FLRT2: variants seen among roughly 807,000 people sequenced by gnomAD.
The protein encoded by FLRT2 is fibronectin leucine rich transmembrane protein 2.
In FLRT2, 15 loss-of-function variants were observed where a neutral mutation model predicts 40.0. The observed-to-expected ratio is 0.38, with a 90% CI of 0.25 to 0.58. The LOEUF is 0.58. Among genes scored for constraint, FLRT2 ranks in the 20% least tolerant of loss-of-function variants. The probability of loss-of-function intolerance (pLI) is 0.71; values close to 1 mark genes in which losing one functional copy is unlikely to be tolerated. For synonymous variants in FLRT2, 380 were observed against 336.8 expected (o/e 1.13, Z -1.41); for missense variants, 726 against 840.0 (o/e 0.86, Z 1.68).
chr14:85,540,319 G>A (rs1051898687), intron 1 of FLRT2, among the ~76,000 whole-genome samples: 2 of 152,110 alleles, frequency 1.3e-5, no homozygotes, highest in South Asian at 2.1e-4. Context: ...GTATTCCAAA[G>A]CTTGGCTTTA....
chr14:85,617,426 A>G (rs1893184686), intron 1 of FLRT2, among the ~76,000 whole-genome samples: 1 of 152,108 alleles, frequency 6.6e-6, no homozygotes, highest in African/African-American at 2.4e-5. Flanking sequence ...CTAAGACTTG[A>G]AAAGAGAAAT....
intron 1 of FLRT2, among the ~76,000 whole-genome samples, chr14:85,532,709 G>C (rs1331160061): frequency 6.6e-6 from 1 of 152,164 alleles, no homozygotes; most frequent in Non-Finnish European, 1.5e-5. Context: ...ATTTAAGGTG[G>C]TCCAGGATGA....
chr14:85,650,154 T>A lies in FLRT2; in HGVS notation c.*26657T>A, dbSNP rs1894400127. ...CTTACTACGTTCATATGTATTGATG[T>A]ACAGTATAGCCTTATTTTACGTGTT... is the stretch of plus-strand genomic sequence containing the variant. On this transcript the variant is annotated 3_prime_UTR_variant, in exon 2 of 2. Transcript: ENST00000330753. 6.6e-6 allele frequency: 1 copy of A among 152,104 alleles called. No homozygotes were observed. The highest frequency in any genetic ancestry group is 1.5e-5 in the Non-Finnish European group (1 of 67,966). The allele number at this position is 152,104 out of a possible 1,614,324, so 9.4% of individuals were successfully genotyped here. A position where few individuals can be genotyped will look rare whatever the true frequency, so the allele number is the denominator to read the frequency against.
intron 1 of FLRT2, among the ~76,000 whole-genome samples, chr14:85,592,107 G>T (rs1267164869): frequency 6.6e-6 from 1 of 151,562 alleles, no homozygotes; most frequent in Non-Finnish European, 1.5e-5. Context: ...GCCTGCAGTG[G>T]GTCGTTAAAA....
intron 1 of FLRT2, chr14:85,562,884 T>C (rs1212631264): frequency 6.6e-6 from 1 of 152,038 alleles, no homozygotes; most frequent in African/African-American, 2.4e-5. Flanking sequence ...GGAAAATCAA[T>C]GGATTGTAAC....
chr14:85,545,895 G>T (rs567306217), intron 1 of FLRT2, among the ~76,000 whole-genome samples: 2 of 152,320 alleles, frequency 1.3e-5, no homozygotes, highest in African/African-American at 2.4e-5. Context: ...AATGACCAGA[G>T]GGAAGATAAT....
chr14:85,573,308 A>T (rs536050797), intron 1 of FLRT2, among the ~76,000 whole-genome samples: 78 of 151,936 alleles, frequency 5.1e-4, no homozygotes, highest in Non-Finnish European at 1.0e-3. Context: ...TCACACTCAC[A>T]CATCTCTCTC....
At chr14:85,554,169 A>G (rs960456620) in intron 1 of FLRT2, among the ~76,000 whole-genome samples, 12 of 152,214 alleles carry the variant, frequency 7.9e-5, no homozygotes, top group Admixed American at 2.0e-4. Flanking sequence ...AAGTTAAAAA[A>G]AAGGATTCAT....
chr14:85,581,777 G>C (rs190885129), intron 1 of FLRT2, among the ~76,000 whole-genome samples: 41 of 152,158 alleles, frequency 2.7e-4, no homozygotes, highest in Admixed American at 5.2e-4. Flanking sequence ...TATGAGATTG[G>C]TGCCCCAAAG....
At chr14:85,606,494 G>A (rs901997523) in intron 1 of FLRT2, among the ~76,000 whole-genome samples, 3 of 148,794 alleles carry the variant, frequency 2.0e-5, no homozygotes, top group Middle Eastern at 3.5e-3. Context: ...TGCATTACAC[G>A]TTACATGTTA....
intron 1 of FLRT2, among the ~76,000 whole-genome samples, chr14:85,543,302 T>G (rs535338630): frequency 5.9e-5 from 9 of 152,272 alleles, no homozygotes; most frequent in African/African-American, 2.2e-4. Flanking sequence ...TTTTTATAGT[T>G]GTCTGACTTG....
chr14:85,633,253 T>A lies in FLRT2; in HGVS notation c.*9756T>A. Reference sequence around the variant, plus strand: ...CTGTATTCTTTCTGGGGGAAAAAAATTGGGAAGATGAGGTGCCATGGGATA... The same window carrying A: ...CTGTATTCTTTCTGGGGGAAAAAAAATGGGAAGATGAGGTGCCATGGGATA... On this transcript the variant is annotated 3_prime_UTR_variant, in exon 2 of 2. Coordinates refer to ENST00000330753, the MANE Select transcript of FLRT2 (RefSeq NM_013231.6). 6.6e-6 allele frequency: 1 copy of A among 152,102 alleles called. No homozygotes were observed. Among genetic ancestry groups the A allele is most frequent in the South Asian group, 2.1e-4 (1 of 4,820 alleles). The allele number at this position is 152,102 out of a possible 1,614,324, so 9.4% of individuals were successfully genotyped here. A position where few individuals can be genotyped will look rare whatever the true frequency, so the allele number is the denominator to read the frequency against.
At chr14:85,531,760 G>A (rs1255841055) in intron 1 of FLRT2, among the ~76,000 whole-genome samples, 1 of 152,176 alleles carries the variant, frequency 6.6e-6, no homozygotes, top group Non-Finnish European at 1.5e-5. Context: ...CACATACTGT[G>A]GGGAGAAGAT....
intron 1 of FLRT2, among the ~76,000 whole-genome samples, chr14:85,608,775 C>T (rs999918389): frequency 2.6e-5 from 4 of 152,132 alleles, no homozygotes; most frequent in East Asian, 1.9e-4. Flanking sequence ...CAGGTCTGCT[C>T]GTCATGTGAA....
rs1053416424 is a variant in FLRT2, at chr14:85,645,041, T to C, written c.*21544T>C. 1.3e-5 allele frequency: 2 copies of C among 152,130 alleles called. No individual in the cohort carries two copies. Among genetic ancestry groups the C allele is most frequent in the African/African-American group, 4.8e-5 (2 of 41,424 alleles). 9.4% of individuals were successfully genotyped at this position (152,130 alleles called of 1,614,324 possible). A position where few individuals can be genotyped will look rare whatever the true frequency, so the allele number is the denominator to read the frequency against. On this transcript the variant is annotated 3_prime_UTR_variant, in exon 2 of 2. Coordinates refer to ENST00000330753, the MANE Select transcript of FLRT2 (RefSeq NM_013231.6). ...TGCCGAAAGAGGCTCAACTGTTGGC[T>C]ATTGGATCCCGAGTAGTAATGCAAC...
intron 1 of FLRT2, among the ~76,000 whole-genome samples, chr14:85,582,955 C>A (rs954297293): frequency 1.6e-4 from 24 of 151,874 alleles, no homozygotes; most frequent in African/African-American, 5.3e-4. Context: ...TTTGATTTCA[C>A]AGCTCTGGAG....
rs1303857055 is a variant in FLRT2, at chr14:85,624,557, C to T, written c.*1060C>T. 6.0e-6 allele frequency: 1 copy of T among 166,988 alleles called. No individual in the cohort carries two copies. The highest frequency in any genetic ancestry group is 1.5e-5 in the Non-Finnish European group (1 of 68,106). The allele number at this position is 166,988 out of a possible 1,614,324, so 10.3% of individuals were successfully genotyped here. ...AGACAAAAACAACTGATCAGTGGTT[C>T]TGTTATGTCAGCTGACTTTGTTAGT... On this transcript the variant is annotated 3_prime_UTR_variant, in exon 2 of 2. Transcript: ENST00000330753.
chr14:85,600,938 A>C (rs1476757899), intron 1 of FLRT2, among the ~76,000 whole-genome samples: 1 of 152,176 alleles, frequency 6.6e-6, no homozygotes, highest in Non-Finnish European at 1.5e-5. Context: ...TTGAATGACA[A>C]GTTTAGTCTT....
At position 85,653,878 on chromosome 14, in the gene FLRT2, C is replaced by A. The variant is rs1215052869; in HGVS notation, c.*30381C>A. ...CTAGAAATGAATGAAGAAAACATAG[C>A]AAAATTATACCTATTTTTTTAAATT... On this transcript the variant is annotated 3_prime_UTR_variant, in exon 2 of 2. Transcript: ENST00000330753. 6.6e-6 allele frequency: 1 copy of A among 152,082 alleles called. No homozygotes were observed. The highest frequency in any genetic ancestry group is 1.5e-5 in the Non-Finnish European group (1 of 68,020). 9.4% of individuals were successfully genotyped at this position (152,082 alleles called of 1,614,324 possible).
Sources: gnomAD v4.1 joint callset for allele counts (sites outside exome capture counted in the v4.1 genomes callset) on GRCh38, gnomAD v4.1.1 for gene constraint, MANE v1.5 for transcripts, NCBI Gene and HGNC (gene_info 2026-07-23, HGNC 2026-07-21) for gene names.